Variants in PCDHGB2 observed in about 807,000 individuals in gnomAD.
PCDHGB2 encodes the protein protocadherin gamma subfamily B, 2, also known as protocadherin gamma-B2.
A neutral mutation model predicts 59.3 loss-of-function variants in PCDHGB2; 55 were observed. The observed-to-expected ratio is 0.93, with a 90% CI of 0.75 to 1.16. The LOEUF is 1.16. Ranked by LOEUF, PCDHGB2 falls within the 50% of genes most tolerant of loss-of-function variation. The pLI, the probability that PCDHGB2 is intolerant of heterozygous loss-of-function variation, is 0.00. For synonymous variants in PCDHGB2, 516 were observed against 512.0 expected (o/e 1.01, Z -0.11); for missense variants, 1,228 against 1,198.5 (o/e 1.02, Z -0.36).
rs2096315825 is a variant in PCDHGB2 at position 141,419,028 on chromosome 5, T to C, written c.2421+56472T>C. On this transcript the variant is annotated intron_variant, in intron 1 of 3. Coordinates refer to ENST00000522605, the MANE Select transcript of PCDHGB2 (RefSeq NM_018923.3). ...GTCAGGTGTAGCTTAAGTAGAGGTG[T>C]TCCATTTAAGATTCATTCTTCTTCT... 5.0e-6 allele frequency: 8 copies of C among 1,613,638 alleles called. No individual in the cohort carries two copies. The South Asian group carries it at 8.8e-5, about 18-fold the overall frequency.
At chr5:141,387,441 T>G (rs2150335837) in intron 1 of PCDHGB2, among the ~76,000 whole-genome samples, 1 of 152,370 alleles carries the variant, frequency 6.6e-6, no homozygotes, top group South Asian at 2.1e-4. Flanking sequence ...ATGTACTTAA[T>G]CTACATGATT....
chr5:141,371,971 G>T lies in PCDHGB2; in HGVS notation c.2421+9415G>T, dbSNP rs372239619. 1.2e-6 allele frequency: 2 copies of T among 1,612,320 alleles called. No individual in the cohort carries two copies. The highest frequency in any genetic ancestry group is 3.3e-5 in the Admixed American group (2 of 59,994). The stretch of plus-strand genomic sequence containing the variant: ...CGAGCCTTCGACCACGAGCAGCTGC[G>T]TGCCTTCGAGCTCACTCTGCAGGCC... On this transcript the variant is annotated intron_variant, in intron 1 of 3. Transcript: ENST00000522605.
chr5:141,400,621 A>G (rs1361532935), intron 1 of PCDHGB2: 1 of 1,521,426 alleles, frequency 6.6e-7, no homozygotes, highest in Non-Finnish European at 9.0e-7. Flanking sequence ...GAGTTGTCTT[A>G]GGGAAGTCAG....
chr5:141,422,539 C>G, intron 1 of PCDHGB2: 1 of 1,613,994 alleles, frequency 6.2e-7, no homozygotes, highest in Non-Finnish European at 8.5e-7. Flanking sequence ...TGCAGAAACT[C>G]ATGTCTGGCT....
At chr5:141,366,079 A>G (rs368547508) in intron 1 of PCDHGB2, 2 of 1,614,220 alleles carry the variant, frequency 1.2e-6, no homozygotes, top group East Asian at 2.2e-5. Context: ...GCTCCGCAGA[A>G]CCTGGCTACC....
Position 141,457,874 on chromosome 5 carries a change from G to A in PCDHGB2, c.2422-36933G>A, listed in dbSNP as rs1592531610. Among the ~76,000 whole-genome samples, 7 of 152,320 alleles carry A rather than the reference G, an allele frequency of 4.6e-5. No homozygotes were observed. In the South Asian group the frequency reaches 1.5e-3, roughly 32 times the overall value. On this transcript the variant is annotated intron_variant, in intron 1 of 3. Transcript: ENST00000522605. ...ACATTCTTCACTGACCACAGGTTAGGAACCCTGTGTGGGGACTGTGTAGAC... is the reference window on the plus strand; with the variant it reads ...ACATTCTTCACTGACCACAGGTTAGAAACCCTGTGTGGGGACTGTGTAGAC...
intron 2 of PCDHGB2, among the ~76,000 whole-genome samples, chr5:141,504,960 T>C (rs9324851): frequency 0.59 from 89,328 of 151,916 alleles, 27,885 homozygotes; most frequent in African/African-American, 0.8. Context: ...TTCAATGCAT[T>C]GGACCAGCCT....
chr5:141,450,985 C>T (rs533993975), intron 1 of PCDHGB2, among the ~76,000 whole-genome samples: 22 of 151,876 alleles, frequency 1.4e-4, no homozygotes, highest in African/African-American at 3.9e-4. Flanking sequence ...CCACCACACC[C>T]GGCTAATTTT....
rs1183309479 is a variant in PCDHGB2 at position 141,404,628 on chromosome 5, C to G, written c.2421+42072C>G. 1.9e-6 allele frequency: 3 copies of G among 1,614,100 alleles called. No homozygotes were observed. In the South Asian group the frequency reaches 3.3e-5, roughly 18 times the overall value. Reference sequence around the variant, plus strand: ...TTTGTTTTGGACCAGAATGACAATGCCCCAGAAATCCTGTACCCTGCCCTC... The same window carrying G: ...TTTGTTTTGGACCAGAATGACAATGGCCCAGAAATCCTGTACCCTGCCCTC... On this transcript the variant is annotated intron_variant, in intron 1 of 3. Transcript: ENST00000522605.
In PCDHGB2 at chr5:141,413,469, G is replaced by A. The variant is rs766765319; in HGVS notation, c.2421+50913G>A. 5 of 1,614,012 alleles carry A rather than the reference G, an allele frequency of 3.1e-6. No individual in the cohort carries two copies. The African/African-American group carries it at 5.3e-5, about 17-fold the overall frequency. On this transcript the variant is annotated intron_variant, in intron 1 of 3. Transcript: ENST00000522605. ...CCGCGGGCAGGATAGACCGGGAGGA[G>A]CTCTGCGCTCAGAGCGCGCGGTGCG...
In PCDHGB2 at chr5:141,428,010, G is replaced by C. The variant is rs544491298; in HGVS notation, c.2421+65454G>C. The C allele has an allele frequency of 1.2e-4, 192 of 1,603,004 alleles. 6 individuals are homozygous for C. In the South Asian group the frequency reaches 2.0e-3, roughly 17 times the overall value. ...CGATGGCTCCGCACTCTTCGATATA[G>C]TGCCACGCGCCGCAGAGTCCGGCTA... On this transcript the variant is annotated intron_variant, in intron 1 of 3. Transcript: ENST00000522605.
At chr5:141,507,809 C>G (rs866898784) in intron 3 of PCDHGB2, among the ~76,000 whole-genome samples, 1 of 152,206 alleles carries the variant, frequency 6.6e-6, no homozygotes, top group Non-Finnish European at 1.5e-5. Context: ...CCCTGGGGAA[C>G]GGACCCTGGG....
chr5:141,374,581 C>G, intron 1 of PCDHGB2: 14 of 1,613,660 alleles, frequency 8.7e-6, no homozygotes, highest in Non-Finnish European at 1.0e-5. Flanking sequence ...GAATGAACTC[C>G]CTTCAGGGAT....
Position 141,512,738 on chromosome 5 carries a change from C to A in PCDHGB2, c.*1565C>A, listed in dbSNP as rs1350606944. 2 of 152,840 alleles carry A rather than the reference C, an allele frequency of 1.3e-5. No individual in the cohort carries two copies. The highest frequency in any genetic ancestry group is 2.1e-4 in the South Asian group (1 of 4,838). The allele number at this position is 152,840 out of a possible 1,614,324, so 9.5% of individuals were successfully genotyped here. A position where few individuals can be genotyped will look rare whatever the true frequency, so the allele number is the denominator to read the frequency against. On this transcript the variant is annotated 3_prime_UTR_variant, in exon 4 of 4. Transcript: ENST00000522605. ...TGGCGGGTGGGCAGCGGGCGGCGGG[C>A]TCCGCGCAGCCGTCTGTCCTTGATC...
chr5:141,470,323 A>C (rs1029928511), intron 1 of PCDHGB2, among the ~76,000 whole-genome samples: 1 of 152,188 alleles, frequency 6.6e-6, no homozygotes, highest in African/African-American at 2.4e-5. Flanking sequence ...AAATGATCCC[A>C]TAATTTGACC....
At chr5:141,457,573 C>T (rs934685938) in intron 1 of PCDHGB2, among the ~76,000 whole-genome samples, 3 of 152,206 alleles carry the variant, frequency 2.0e-5, no homozygotes, top group Non-Finnish European at 4.4e-5. Flanking sequence ...CAAAATTTTT[C>T]TCTCCAGTCC....
At chr5:141,415,176 C>A in intron 1 of PCDHGB2, 2 of 1,613,934 alleles carry the variant, frequency 1.2e-6, no homozygotes, top group Non-Finnish European at 1.7e-6. Context: ...TCACCGTGGC[C>A]GTGGCCGACA....
intron 1 of PCDHGB2, 89 bp downstream of exon 1, chr5:141,362,645 G>GTAGGA: frequency 1.4e-6 from 2 of 1,454,486 alleles, no homozygotes; most frequent in Non-Finnish European, 1.8e-6. Flanking sequence ...CTTTGTCTGT[G>GTAGGA]AGTTAGATTT....
At chr5:141,366,885 T>A (rs1764844821) in intron 1 of PCDHGB2, 3 of 1,309,884 alleles carry the variant, frequency 2.3e-6, no homozygotes, top group African/African-American at 1.5e-5. Flanking sequence ...TTAATTTTTT[T>A]TATATAATTC....
Sources: allele counts gnomAD v4.1 joint callset (sites outside exome capture counted in the v4.1 genomes callset), GRCh38; gene constraint gnomAD v4.1.1; transcripts MANE v1.5; gene names NCBI Gene and HGNC (gene_info 2026-07-23, HGNC 2026-07-21).